The following NEGR1 variants were observed in gnomAD, a reference collection of about 807,000 sequenced individuals.
NEGR1 encodes the protein IgLON family member 4.
A neutral mutation model predicts 40.9 loss-of-function variants in NEGR1; 10 were observed. That is an observed-to-expected ratio of 0.24 (90% confidence interval 0.15 to 0.42). The LOEUF (loss-of-function observed/expected upper bound fraction) is 0.42. NEGR1 is among the 10% of genes least tolerant of loss of function. NEGR1 has a pLI of 1.00. For missense variants in NEGR1, 352 were observed against 438.9 expected (o/e 0.80, Z 1.77); for synonymous variants, 185 against 166.8 (o/e 1.11, Z -0.84).
chr1:72,027,002 T>A (rs1016680319), intron 1 of NEGR1, among the ~76,000 whole-genome samples: 2 of 152,108 alleles, frequency 1.3e-5, no homozygotes, highest in African/African-American at 4.8e-5. Context: ...CTGGGCTCAC[T>A]GCAAGCTCCA....
chr1:71,898,892 A>ATTGCAAATATATAT (rs1553173422), intron 2 of NEGR1, among the ~76,000 whole-genome samples: 1 of 136,212 alleles, frequency 7.3e-6, no homozygotes, highest in African/African-American at 2.9e-5. Context: ...ATATATATAT[A>ATTGCAAATATATAT]TTGCAAATAT....
intron 4 of NEGR1, among the ~76,000 whole-genome samples, chr1:71,673,474 T>A (rs1015491772): frequency 2.0e-5 from 3 of 148,514 alleles, no homozygotes; most frequent in African/African-American, 7.4e-5. Flanking sequence ...TTATGGAGCT[T>A]ATGATTTAAT....
At chr1:71,539,888 C>G (rs761870045) in intron 6 of NEGR1, among the ~76,000 whole-genome samples, 1 of 151,690 alleles carries the variant, frequency 6.6e-6, no homozygotes, top group Non-Finnish European at 1.5e-5. Flanking sequence ...AATAAAATAA[C>G]TTTATACTTA....
rs527778622 is a variant in NEGR1 at position 71,747,924 on chromosome 1, C to A, written c.535+28248G>T. On this transcript the variant is annotated intron_variant, in intron 3 of 6. Coordinates refer to ENST00000357731, the MANE Select transcript of NEGR1 (RefSeq NM_173808.3). Reference sequence around the variant, plus strand: ...AAAAATAGAGTTAGAAAAATTAAAACTAATTCCTATCATCCAGGTTCTTTC... The same window carrying A: ...AAAAATAGAGTTAGAAAAATTAAAAATAATTCCTATCATCCAGGTTCTTTC... 1.8e-3 allele frequency among the ~76,000 whole-genome samples: 269 copies of A among 151,472 alleles called. 2 individuals are homozygous for A. The highest frequency in any genetic ancestry group is 6.3e-3 in the African/African-American group (260 of 41,308).
At chr1:71,768,264 T>C (rs1294161077) in intron 3 of NEGR1, among the ~76,000 whole-genome samples, 1 of 152,146 alleles carries the variant, frequency 6.6e-6, no homozygotes, top group Non-Finnish European at 1.5e-5. Context: ...AGAGCAGCCA[T>C]AGGGACTGAA....
At chr1:71,580,215 C>A (rs939067343) in intron 6 of NEGR1, among the ~76,000 whole-genome samples, 18 of 151,358 alleles carry the variant, frequency 1.2e-4, no homozygotes, top group Non-Finnish European at 1.9e-4. Context: ...GAACAAAAAA[C>A]CAAACACCGC....
At chr1:72,111,061 T>C (rs189195284) in intron 1 of NEGR1, among the ~76,000 whole-genome samples, 22 of 143,104 alleles carry the variant, frequency 1.5e-4, no homozygotes, top group Admixed American at 1.1e-3. Flanking sequence ...AATTTTTAGA[T>C]ATATACATAC....
intron 3 of NEGR1, among the ~76,000 whole-genome samples, chr1:71,758,244 T>C (rs1655809290): frequency 6.6e-6 from 1 of 152,070 alleles, no homozygotes; most frequent in Admixed American, 6.6e-5. Context: ...GTAACTTCTT[T>C]AGAAAATGAT....
chr1:71,957,720 A>G (rs1286064456), intron 1 of NEGR1, among the ~76,000 whole-genome samples: 1 of 152,156 alleles, frequency 6.6e-6, no homozygotes, highest in Non-Finnish European at 1.5e-5. Context: ...CTTTTATCAG[A>G]TTGTCCTGAA....
chr1:72,227,359 G>A (rs1654224654), intron 1 of NEGR1, among the ~76,000 whole-genome samples: 1 of 151,972 alleles, frequency 6.6e-6, no homozygotes, highest in South Asian at 2.1e-4. Context: ...GCTTGCCTGG[G>A]AAAATACTTT....
chr1:71,415,032 G>A (rs143543619), intron 6 of NEGR1, among the ~76,000 whole-genome samples: 2,455 of 152,162 alleles, frequency 0.016, 38 homozygotes, highest in South Asian at 0.076. Context: ...TTTAGAAGAA[G>A]TCAGGCAAAC....
intron 4 of NEGR1, among the ~76,000 whole-genome samples, chr1:71,627,785 G>A (rs1013125188): frequency 6.6e-6 from 1 of 152,040 alleles, no homozygotes; most frequent in Admixed American, 6.6e-5. Context: ...CAAAGCCAAA[G>A]AGAGCTCTAT....
At chr1:72,052,993 C>A (rs1479011425) in intron 1 of NEGR1, among the ~76,000 whole-genome samples, 1 of 151,368 alleles carries the variant, frequency 6.6e-6, no homozygotes. Flanking sequence ...ACTTTGCATT[C>A]CTACTACTCT....
intron 1 of NEGR1, among the ~76,000 whole-genome samples, chr1:72,036,853 T>C (rs1266232502): frequency 6.6e-6 from 1 of 152,088 alleles, no homozygotes; most frequent in African/African-American, 2.4e-5. Flanking sequence ...TTAATTTCTT[T>C]TTGTTTTTGC....
intron 2 of NEGR1, among the ~76,000 whole-genome samples, chr1:71,869,814 A>G (rs938652033): frequency 2.0e-5 from 3 of 151,882 alleles, no homozygotes; most frequent in African/African-American, 7.3e-5. Context: ...ATGATCTGTG[A>G]TATTTAACAG....
In NEGR1 at chr1:72,282,480, C is replaced by T. The variant is rs1292554375; in HGVS notation, c.15G>A (p.Leu5=). The T allele has an allele frequency of 6.2e-7, 1 of 1,612,162 alleles. No homozygotes were observed. The highest frequency in any genetic ancestry group is 1.3e-5 in the African/African-American group (1 of 74,676). The change falls in exon 1 of 7, where the codon CTG becomes CTA. Residue 5 remains leucine, a synonymous_variant. Coordinates refer to ENST00000357731, the MANE Select transcript of NEGR1 (RefSeq NM_173808.3). ...TCGAGCAACAAGCACCCTGCACCAA[C>T]AGCATCATGTCCATCCCTGCTAGGG... MDMM[L]LVQGACCSNQ... is the part of the protein sequence containing the mutation.
intron 1 of NEGR1, among the ~76,000 whole-genome samples, chr1:72,271,162 G>T (rs1655830923): frequency 6.6e-6 from 1 of 151,856 alleles, no homozygotes; most frequent in Non-Finnish European, 1.5e-5. Flanking sequence ...AATCATGATA[G>T]ATGATAAACT....
intron 1 of NEGR1, among the ~76,000 whole-genome samples, chr1:72,035,425 T>A (rs1456510920): frequency 6.6e-6 from 1 of 152,166 alleles, no homozygotes; most frequent in African/African-American, 2.4e-5. Context: ...CTGACTTAAG[T>A]ATCACTTCCC....
chr1:71,866,146 G>T (rs1031038110), intron 2 of NEGR1, among the ~76,000 whole-genome samples: 5 of 151,810 alleles, frequency 3.3e-5, no homozygotes, highest in African/African-American at 7.3e-5. Context: ...AATGAGGAAA[G>T]AAAAAAGGCA....
Sources: gnomAD v4.1 joint callset for allele counts (sites outside exome capture counted in the v4.1 genomes callset) on GRCh38, gnomAD v4.1.1 for gene constraint, MANE v1.5 for transcripts, NCBI Gene and HGNC (gene_info 2026-07-23, HGNC 2026-07-21) for gene names.